Variants in NAPA observed in about 807,000 individuals in gnomAD.
NAPA encodes alpha-soluble NSF attachment protein.
A neutral mutation model predicts 48.0 loss-of-function variants in NAPA; 18 were observed. The ratio of observed to expected loss-of-function variants is 0.38; its 90% confidence interval spans 0.26 to 0.56. NAPA has a LOEUF of 0.56. Ranked by LOEUF, NAPA falls within the 20% of genes least tolerant of loss-of-function variation. The pLI is 0.77. For missense variants in NAPA, 315 were observed against 385.0 expected (o/e 0.82, Z 1.52); for synonymous variants, 152 against 149.9 (o/e 1.01, Z -0.10).
chr19:47,495,703 C>G, intron 3 of NAPA, 107 bp from the exon 4 acceptor site: 1 of 1,024,268 alleles, frequency 9.8e-7, no homozygotes, highest in Non-Finnish European at 1.5e-6. Flanking sequence ...GCAGAGAGAT[C>G]AATAGGCGCT....
At chr19:47,509,134 T>C (rs1968751482) in intron 1 of NAPA, among the ~76,000 whole-genome samples, 1 of 151,908 alleles carries the variant, frequency 6.6e-6, no homozygotes, top group South Asian at 2.1e-4. Flanking sequence ...GAGGAGTCTT[T>C]GTGAGGATTA....
chr19:47,492,493 T>C, intron 7 of NAPA: 1 of 386,122 alleles, frequency 2.6e-6, no homozygotes, highest in Non-Finnish European at 4.9e-6. Context: ...CCCGCCCCTC[T>C]CTCCCAGGGG....
intron 2 of NAPA, among the ~76,000 whole-genome samples, chr19:47,502,761 C>T (rs764937837): frequency 6.6e-6 from 1 of 152,240 alleles, no homozygotes; most frequent in Non-Finnish European, 1.5e-5. Context: ...AACAGATCTC[C>T]AGCCTCCCTG....
chr19:47,506,577 G>A lies in NAPA; in HGVS notation c.99-3075C>T, dbSNP rs1234910415. Among the ~76,000 whole-genome samples, 2 of 152,220 alleles carry A rather than the reference G, an allele frequency of 1.3e-5. No individual in the cohort carries two copies. The highest frequency in any genetic ancestry group is 3.9e-4 in the East Asian group (2 of 5,194). ...AAAAAGCACAGACCCTGGATGGGCAGAAATGACCCACGTCACTGAGTGGCC... is the reference window on the plus strand; with the variant it reads ...AAAAAGCACAGACCCTGGATGGGCAAAAATGACCCACGTCACTGAGTGGCC... On this transcript the variant is annotated intron_variant, in intron 1 of 10. Transcript: ENST00000263354. This position sits in a 1 kb window ranked among gnomAD's most constrained non-coding sequence, Gnocchi z 4.0.
chr19:47,492,757 G>A (rs1378941594), intron 7 of NAPA: 1 of 694,778 alleles, frequency 1.4e-6, no homozygotes. Flanking sequence ...GAGAGACGGT[G>A]CTGGCACGGC....
rs1327669392 is a variant in NAPA, at chr19:47,493,557, C to A, written c.343-64G>T. On this transcript the variant is annotated intron_variant, in intron 4 of 10. Coordinates refer to ENST00000263354, the MANE Select transcript of NAPA (RefSeq NM_003827.4). The surrounding 1 kb of genome is among the most constrained non-coding windows in gnomAD (Gnocchi z 6.4). ...ACCTCCTGCGTGCCTGCCTGCTGAC[C>A]TATGACCCTTCAAGTTCCCACCCCT... 1.4e-6 allele frequency: 2 copies of A among 1,459,162 alleles called. No homozygotes were observed. The highest frequency in any genetic ancestry group is 2.8e-5 in the African/African-American group (2 of 71,788). 90.4% of individuals were successfully genotyped at this position (1,459,162 alleles called of 1,614,324 possible). A position where few individuals can be genotyped will look rare whatever the true frequency, so the allele number is the denominator to read the frequency against.
intron 1 of NAPA, among the ~76,000 whole-genome samples, chr19:47,504,650 T>C (rs905881170): frequency 5.9e-5 from 9 of 152,004 alleles, no homozygotes; most frequent in Non-Finnish European, 1.0e-4. Context: ...TATACATATA[T>C]ACACACACGT....
Position 47,493,252 on chromosome 19 carries a change from C to T in NAPA, c.421-78G>A, listed in dbSNP as rs911019107. The T allele has an allele frequency of 3.6e-5, 55 of 1,508,684 alleles. No individual in the cohort carries two copies. The highest frequency in any genetic ancestry group is 1.2e-4 in the Admixed American group (7 of 56,168). 93.5% of individuals were successfully genotyped at this position (1,508,684 alleles called of 1,614,324 possible). ...GCCTCCGTGAAGCTTCCACACCCTC[C>T]GCCCTGCCTGCCTGGGACACAGCCA... On this transcript the variant is annotated intron_variant, in intron 5 of 10. Transcript: ENST00000263354. The surrounding 1 kb of genome is among the most constrained non-coding windows in gnomAD (Gnocchi z 6.4).
At chr19:47,490,249 TG>T (rs200498724) in intron 9 of NAPA, among the ~76,000 whole-genome samples, 2,295 of 138,758 alleles carry the variant, frequency 0.017, 40 homozygotes, top group Non-Finnish European at 0.019. Flanking sequence ...GTTTTGTGTG[TG>T]GGGGGGTGTG....
Position 47,493,393 on chromosome 19 carries a change from T to C in NAPA, c.420+23A>G. 6.2e-7 allele frequency: 1 copy of C among 1,612,418 alleles called. No individual in the cohort carries two copies. Among genetic ancestry groups the C allele is most frequent in the Non-Finnish European group, 8.5e-7 (1 of 1,178,622 alleles). On this transcript the variant is annotated intron_variant, in intron 5 of 10. Coordinates refer to ENST00000263354, the MANE Select transcript of NAPA (RefSeq NM_003827.4). The surrounding 1 kb of genome is among the most constrained non-coding windows in gnomAD (Gnocchi z 6.4). ...AGCACTGGTCCTGGCTGCCAGCCCATGCAGGGCCCTGCTGCCACTCACCTT... is the reference window on the plus strand; with the variant it reads ...AGCACTGGTCCTGGCTGCCAGCCCACGCAGGGCCCTGCTGCCACTCACCTT...
At chr19:47,497,073 C>T (rs565509655) in intron 3 of NAPA, 15 of 268,676 alleles carry the variant, frequency 5.6e-5, no homozygotes, top group Middle Eastern at 8.7e-4. Context: ...ATCCTGTAAT[C>T]GGCGGACCCA....
At chr19:47,497,900 T>C (rs1968470777) in intron 3 of NAPA, among the ~76,000 whole-genome samples, 1 of 152,210 alleles carries the variant, frequency 6.6e-6, no homozygotes, top group South Asian at 2.1e-4. Flanking sequence ...GTCGCTTCTC[T>C]GCCCCAGGTA....
chr19:47,508,661 C>A (rs1409614973), intron 1 of NAPA, among the ~76,000 whole-genome samples: 1 of 151,844 alleles, frequency 6.6e-6, no homozygotes, highest in Non-Finnish European at 1.5e-5. Context: ...GGCTAGTTAT[C>A]CCTGAGGCTT....
At chr19:47,490,110 T>C (rs1182708696) in intron 9 of NAPA, among the ~76,000 whole-genome samples, 4 of 139,524 alleles carry the variant, frequency 2.9e-5, no homozygotes, top group African/African-American at 5.4e-5. Flanking sequence ...TAGGGGCACG[T>C]GTGGTGTTTG....
At chr19:47,509,329 T>C (rs1006407582) in intron 1 of NAPA, among the ~76,000 whole-genome samples, 8 of 141,762 alleles carry the variant, frequency 5.6e-5, no homozygotes, top group African/African-American at 1.0e-4. Context: ...TAAAATAAAA[T>C]AAAATAAAAT....
chr19:47,488,666 T>C lies in NAPA; in HGVS notation c.787-277A>G, dbSNP rs570937433. ...TGGGCGCAGTAGCTCACGCCTGTAA[T>C]ACCAGCACTTTGGGAGGCTGAGGCG... On this transcript the variant is annotated intron_variant, in intron 10 of 10. Coordinates refer to ENST00000263354, the MANE Select transcript of NAPA (RefSeq NM_003827.4). 3.4e-4 allele frequency: 67 copies of C among 197,926 alleles called. 1 individual carries two copies. Among genetic ancestry groups the C allele is most frequent in the African/African-American group, 1.5e-3 (64 of 42,686 alleles). The allele number at this position is 197,926 out of a possible 1,614,324, so 12.3% of individuals were successfully genotyped here.
At chr19:47,491,584 C>T in intron 8 of NAPA, 1 of 158,496 alleles carries the variant, frequency 6.3e-6, no homozygotes, top group South Asian at 1.9e-4. Context: ...AATAGGTGGG[C>T]ATGTGTGAGC....
Position 47,493,220 on chromosome 19 carries a change from A to G in NAPA, c.421-46T>C. 6.5e-7 allele frequency: 1 copy of G among 1,549,764 alleles called. No individual in the cohort carries two copies. The highest frequency in any genetic ancestry group is 8.8e-7 in the Non-Finnish European group (1 of 1,139,968). ...GGTTCCAGGGGAGGGCAGGGAAGGGAGAGGAGGCCTCCGTGAAGCTTCCAC... is the reference window on the plus strand; with the variant it reads ...GGTTCCAGGGGAGGGCAGGGAAGGGGGAGGAGGCCTCCGTGAAGCTTCCAC... On this transcript the variant is annotated intron_variant, in intron 5 of 10. Coordinates refer to ENST00000263354, the MANE Select transcript of NAPA (RefSeq NM_003827.4). The surrounding 1 kb of genome is among the most constrained non-coding windows in gnomAD (Gnocchi z 6.4).
At position 47,489,663 on chromosome 19, in the gene NAPA, G is replaced by A. The variant is rs140115571; in HGVS notation, c.786+48C>T. 2.5e-5 allele frequency: 40 copies of A among 1,606,300 alleles called. 1 individual carries two copies. The African/African-American group carries it at 3.5e-4, about 14-fold the overall frequency. On this transcript the variant is annotated intron_variant, in intron 10 of 10. Transcript: ENST00000263354. ...TGTCTGAGAAGGGCAGCTTTCCTAG[G>A]AGACCCATCCCCGTGAAGGGGCCTG...
Sources: allele counts gnomAD v4.1 joint callset (sites outside exome capture counted in the v4.1 genomes callset), GRCh38; gene constraint gnomAD v4.1.1; non-coding constraint Gnocchi (gnomAD v3.1); transcripts MANE v1.5; gene names NCBI Gene and HGNC (gene_info 2026-07-23, HGNC 2026-07-21).